ROBO2: variants seen among roughly 807,000 people sequenced by gnomAD.
ROBO2 encodes roundabout guidance receptor 2.
In ROBO2, 53 loss-of-function variants were observed where a neutral mutation model predicts 160.8. That is an observed-to-expected ratio of 0.33 (90% CI 0.26 to 0.41). The LOEUF is 0.41. Among genes scored for constraint, ROBO2 ranks in the 10% least tolerant of loss-of-function variants. The probability of loss-of-function intolerance (pLI) is 1.00; values close to 1 mark genes in which losing one functional copy is unlikely to be tolerated. For synonymous variants in ROBO2, 664 were observed against 611.7 expected (o/e 1.09, Z -1.26); for missense variants, 1,577 against 1,722.4 (o/e 0.92, Z 1.49).
chr3:77,314,235 A>G (rs942619730), intron 2 of ROBO2, among the ~76,000 whole-genome samples: 1 of 152,234 alleles, frequency 6.6e-6, no homozygotes, highest in African/African-American at 2.4e-5. Context: ...ACATTCGGCA[A>G]GCACCAATAA....
intron 2 of ROBO2, among the ~76,000 whole-genome samples, chr3:76,433,131 G>A (rs1473085596): frequency 6.6e-6 from 1 of 152,088 alleles, no homozygotes; most frequent in Non-Finnish European, 1.5e-5. Context: ...CAGTTAATTG[G>A]TCAGAACATT....
In ROBO2 at chr3:76,153,589, T is replaced by A. The variant is rs375958459; in HGVS notation, c.109+215987T>A. ...ATCACACATATTCAAATATCTTCTTTGTTTTAGTTGGGATGAGTAGGGCAT... is the reference window on the plus strand; with the variant it reads ...ATCACACATATTCAAATATCTTCTTAGTTTTAGTTGGGATGAGTAGGGCAT... On this transcript the variant is annotated intron_variant, in intron 2 of 26. Transcript: ENST00000487694. 3.3e-5 allele frequency among the ~76,000 whole-genome samples: 5 copies of A among 152,200 alleles called. No individual in the cohort carries two copies. The East Asian group carries it at 5.8e-4, about 18-fold the overall frequency.
chr3:76,248,905 G>A (rs1026015710), intron 2 of ROBO2, among the ~76,000 whole-genome samples: 2 of 151,474 alleles, frequency 1.3e-5, no homozygotes, highest in Non-Finnish European at 2.9e-5. Context: ...CAAAGTCTGT[G>A]CTGTTTACGC....
At chr3:77,595,021 A>T in intron 17 of ROBO2, 121 bp from the exon 19 acceptor site, 1 of 747,962 alleles carries the variant, frequency 1.3e-6, no homozygotes, top group Non-Finnish European at 2.3e-6. Context: ...TGTTAATTAT[A>T]TTTTGTTAAA....
chr3:77,546,355 G>C, exon 7 of ROBO2: 1 of 1,612,992 alleles, frequency 6.2e-7, no homozygotes. Context: ...ACAGTTTGTG[G>C]TTCGGCCAAG....
At chr3:76,012,419 C>T (rs547065742) in intron 2 of ROBO2, among the ~76,000 whole-genome samples, 44 of 152,140 alleles carry the variant, frequency 2.9e-4, no homozygotes, top group East Asian at 1.2e-3. Flanking sequence ...CTTTGGCTCA[C>T]GCACAACTAA....
At chr3:76,857,765 T>C (rs142756238) in intron 2 of ROBO2, among the ~76,000 whole-genome samples, 2,908 of 152,278 alleles carry the variant, frequency 0.019, 63 homozygotes, top group African/African-American at 0.055. Flanking sequence ...ATTATCTTAA[T>C]TAAAATATTT....
At chr3:76,887,101 A>G (rs760483555) in intron 2 of ROBO2, among the ~76,000 whole-genome samples, 1 of 152,118 alleles carries the variant, frequency 6.6e-6, no homozygotes, top group Non-Finnish European at 1.5e-5. Flanking sequence ...CATCAATTTA[A>G]AGGGAAAGAT....
intron 2 of ROBO2, among the ~76,000 whole-genome samples, chr3:76,741,551 A>G (rs1303159680): frequency 6.6e-6 from 1 of 152,054 alleles, no homozygotes; most frequent in East Asian, 1.9e-4. Context: ...ACACCTTGAA[A>G]AAGATAGTTG....
chr3:76,729,531 G>A (rs1046691382), intron 2 of ROBO2, among the ~76,000 whole-genome samples: 1 of 151,700 alleles, frequency 6.6e-6, no homozygotes. Flanking sequence ...TGGAAGGTTT[G>A]GTATGTTTTA....
At chr3:76,857,426 A>G (rs143142743) in intron 2 of ROBO2, among the ~76,000 whole-genome samples, 2 of 152,338 alleles carry the variant, frequency 1.3e-5, no homozygotes, top group Admixed American at 1.3e-4. Flanking sequence ...AACAGATTAG[A>G]AGACAAAATC....
intron 6 of ROBO2, among the ~76,000 whole-genome samples, chr3:77,545,696 C>A (rs2092671181): frequency 6.6e-6 from 1 of 152,100 alleles, no homozygotes; most frequent in Non-Finnish European, 1.5e-5. Flanking sequence ...AATTACCTGA[C>A]TAACCTTTAT....
chr3:76,027,059 A>G (rs1318611613), intron 2 of ROBO2, among the ~76,000 whole-genome samples: 1 of 151,960 alleles, frequency 6.6e-6, no homozygotes, highest in Non-Finnish European at 1.5e-5. Context: ...AATCATTTCT[A>G]TCGTTCTATA....
At chr3:77,291,695 T>G (rs1264998039) in intron 2 of ROBO2, among the ~76,000 whole-genome samples, 1 of 151,510 alleles carries the variant, frequency 6.6e-6, no homozygotes, top group East Asian at 2.0e-4. Flanking sequence ...AAGCTGAGGC[T>G]AGATCACTAA....
At position 76,498,167 on chromosome 3, in the gene ROBO2, A is replaced by G. The variant is rs543150784; in HGVS notation, c.109+560565A>G. Among the ~76,000 whole-genome samples the G allele has an allele frequency of 2.0e-5, 3 of 152,322 alleles. No homozygotes were observed. In the South Asian group the frequency reaches 6.2e-4, roughly 32 times the overall value. Reference sequence around the variant, plus strand: ...TTTCAAAAAGTGTATATGTACTCCAAACATTATTTCTCAGTGAATGAATTA... The same window carrying G: ...TTTCAAAAAGTGTATATGTACTCCAGACATTATTTCTCAGTGAATGAATTA... On this transcript the variant is annotated intron_variant, in intron 2 of 26. Transcript: ENST00000487694.
chr3:77,098,588 C>A (rs2150077598), intron 2 of ROBO2, among the ~76,000 whole-genome samples: 1 of 152,224 alleles, frequency 6.6e-6, no homozygotes, highest in East Asian at 1.9e-4. Context: ...TGGCTCACGC[C>A]TGTAATCCCA....
intron 2 of ROBO2, among the ~76,000 whole-genome samples, chr3:76,473,341 A>G (rs547228783): frequency 2.5e-4 from 38 of 152,236 alleles, no homozygotes; most frequent in African/African-American, 8.7e-4. Context: ...AACAATGTCT[A>G]TTTAGTACGA....
chr3:76,258,878 T>C (rs1706564823), intron 2 of ROBO2, among the ~76,000 whole-genome samples: 1 of 152,102 alleles, frequency 6.6e-6, no homozygotes, highest in African/African-American at 2.4e-5. Flanking sequence ...GAGTGTAAGC[T>C]ATAATGTAGG....
At chr3:76,434,681 G>C (rs2076586317) in intron 2 of ROBO2, 2 of 1,144,446 alleles carry the variant, frequency 1.7e-6, no homozygotes, top group Admixed American at 3.4e-5. Flanking sequence ...TGCTGGATCA[G>C]GTCCTCCTCC....
Sources: allele counts gnomAD v4.1 joint callset (sites outside exome capture counted in the v4.1 genomes callset), GRCh38; gene constraint gnomAD v4.1.1; transcripts MANE v1.5; gene names NCBI Gene and HGNC (gene_info 2026-07-23, HGNC 2026-07-21).